The following KIDINS220 variants were observed in gnomAD, a reference collection of about 807,000 sequenced individuals.
KIDINS220 encodes kinase D interacting substrate 220, also known as kinase D-interacting substrate of 220 kDa.
In KIDINS220, 63 loss-of-function variants were observed where a neutral mutation model predicts 157.6. The ratio of observed to expected loss-of-function variants is 0.40; its 90% CI spans 0.33 to 0.49. The LOEUF (loss-of-function observed/expected upper bound fraction) is 0.49, where lower values mean the gene tolerates loss of function less well. Among genes scored for constraint, KIDINS220 ranks in the 20% least tolerant of loss-of-function variants. The probability of loss-of-function intolerance (pLI) is 0.66; values close to 1 mark genes in which losing one functional copy is unlikely to be tolerated. For missense variants in KIDINS220, 1,772 were observed against 2,171.2 expected, an observed-to-expected ratio of 0.82 and a Z score of 3.65; for synonymous variants, 732 against 783.6, an observed-to-expected ratio of 0.93 and a Z score of 1.10.
chr2:8,827,219 G>A, intron 1 of KIDINS220, 90 bp from the exon 2 acceptor site: 7 of 542,160 alleles, frequency 1.3e-5, no homozygotes, highest in South Asian at 1.1e-4. Flanking sequence ...TTAACCTCAT[G>A]CAAGGACACC....
Position 8,778,730 on chromosome 2 carries a change from T to A in KIDINS220, c.2615-3A>T. 6.2e-7 allele frequency: 1 copy of A among 1,612,866 alleles called. No homozygotes were observed. The highest frequency in any genetic ancestry group is 1.3e-5 in the African/African-American group (1 of 75,042). On this transcript the variant is annotated splice_region_variant and splice_polypyrimidine_tract_variant and intron_variant, in intron 19 of 29. Coordinates refer to ENST00000256707, the MANE Select transcript of KIDINS220 (RefSeq NM_020738.4). Reference sequence around the variant, plus strand: ...TCTGTCAGCATCTTCCTGTATCCCTTAAATAATTTATCAAGACAGCATCAC... The same window carrying A: ...TCTGTCAGCATCTTCCTGTATCCCTAAAATAATTTATCAAGACAGCATCAC...
intron 20 of KIDINS220, 41 bp downstream of exon 20, chr2:8,778,598 T>G (rs760498910): frequency 2.5e-5 from 30 of 1,212,720 alleles, no homozygotes; most frequent in Middle Eastern, 3.8e-4. Context: ...TTAAATTGAA[T>G]AGCAATACAA....
rs1250499331 is a variant in KIDINS220, at chr2:8,786,264, T to C, written c.1881A>G (p.Arg627=). Residue 627 remains arginine (R), a synonymous_variant, in exon 16 of 30, where the codon AGA becomes AGG. Coordinates refer to ENST00000256707, the MANE Select transcript of KIDINS220 (RefSeq NM_020738.4). The part of the protein sequence containing the change: ...MIATLSDACE[R]EFGFLATRLF... ...GCCTGGTTGCCAAAAAGCCAAACTC[T>C]CTTTCACAAGCATCCGAGAGGGTTG... The C allele has an allele frequency of 3.7e-6, 6 of 1,614,030 alleles. No homozygotes were observed. Among genetic ancestry groups the C allele is most frequent in the South Asian group, 3.3e-5 (3 of 91,086 alleles).
At chr2:8,784,235 GA>G (rs964702278) in intron 17 of KIDINS220, among the ~76,000 whole-genome samples, 2 of 147,730 alleles carry the variant, frequency 1.4e-5, no homozygotes, top group African/African-American at 4.9e-5. Flanking sequence ...AAGCAAGCAA[GA>G]AAAGAATCTA....
chr2:8,783,197 C>CAA (rs60911954), intron 17 of KIDINS220, among the ~76,000 whole-genome samples: 64,378 of 134,728 alleles, frequency 0.48, 17,029 homozygotes, highest in East Asian at 0.61. Flanking sequence ...AACTCCGTCT[C>CAA]AAAAAAAAAA....
At position 8,779,783 on chromosome 2, in the gene KIDINS220, C is replaced by T; in HGVS notation, c.2261G>A (p.Arg754Lys). 1 of 1,614,134 alleles carries T rather than the reference C, an allele frequency of 6.2e-7. No homozygotes were observed. The highest frequency in any genetic ancestry group is 8.5e-7 in the Non-Finnish European group (1 of 1,179,990). ...GAAGCTGTCAATGGTTTTTGCCATC[C>T]TGGCCATCAATTCCACTTCACATTT... is the stretch of plus-strand genomic sequence containing the variant. Reference protein sequence around the residue: ...VLKCEVELMARMAKTIDSFTQ... With the variant: ...VLKCEVELMAKMAKTIDSFTQ... The change falls in exon 18 of 30, where the codon AGG becomes AAG. Residue 754 changes from arginine to lysine, a missense_variant. Transcript: ENST00000256707.
intron 1 of KIDINS220, among the ~76,000 whole-genome samples, chr2:8,836,177 G>T (rs2148471746): frequency 6.6e-6 from 1 of 152,118 alleles, no homozygotes; most frequent in South Asian, 2.1e-4. Context: ...CCCAGCATAG[G>T]TGACTGAAGA....
chr2:8,822,137 A>G (rs1363259106), intron 2 of KIDINS220, among the ~76,000 whole-genome samples: 1 of 152,210 alleles, frequency 6.6e-6, no homozygotes, highest in African/African-American at 2.4e-5. Context: ...ACTACAATGC[A>G]AAAACAACTA....
intron 26 of KIDINS220, among the ~76,000 whole-genome samples, chr2:8,744,380 A>AT (rs1666134740): frequency 6.4e-5 from 2 of 31,296 alleles, no homozygotes; most frequent in African/African-American, 1.7e-4. Flanking sequence ...AAAAAAAAAA[A>AT]AAAAAAAAAT....
chr2:8,790,001 G>C lies in KIDINS220; in HGVS notation c.1500C>G (p.Leu500=). Residue 500 remains leucine (L), a synonymous_variant, in exon 14 of 30, where the codon CTC becomes CTG. Transcript: ENST00000256707. ...AAAGTAGCAGGGTAAGAAACACTAT[G>C]AGCCATGAGAACTGAAAGAGAGGCT... is the stretch of plus-strand genomic sequence containing the variant. ...QIEPLFQFSW[L]IVFLTLLLCG... 1 of 1,612,146 alleles carries C rather than the reference G, an allele frequency of 6.2e-7. No homozygotes were observed. Among genetic ancestry groups the C allele is most frequent in the Non-Finnish European group, 8.5e-7 (1 of 1,179,556 alleles).
downstream of KIDINS220, chr2:8,725,676 A>C (rs1663238451): frequency 6.6e-6 from 1 of 152,250 alleles, no homozygotes. Context: ...GCCTTGAAAG[A>C]AAACGAGGTA....
intron 17 of KIDINS220, among the ~76,000 whole-genome samples, chr2:8,780,945 T>G (rs953847644): frequency 1.3e-5 from 2 of 151,410 alleles, no homozygotes; most frequent in African/African-American, 4.9e-5. Flanking sequence ...CAAAACCAAT[T>G]ATCCCTTTGA....
rs139886066 is a variant in KIDINS220 at position 8,798,958 on chromosome 2, G to A, written c.901-658C>T. Reference sequence around the variant, plus strand: ...TAGAACCCATCTTTAGTGGCAATGTGATTTTAACCCAGGAGATAATGAATG... The same window carrying A: ...TAGAACCCATCTTTAGTGGCAATGTAATTTTAACCCAGGAGATAATGAATG... On this transcript the variant is annotated intron_variant, in intron 9 of 29. Coordinates refer to ENST00000256707, the MANE Select transcript of KIDINS220 (RefSeq NM_020738.4). Among the ~76,000 whole-genome samples, 68 of 152,248 alleles carry A rather than the reference G, an allele frequency of 4.5e-4. 1 individual carries two copies. Among genetic ancestry groups the A allele is most frequent in the African/African-American group, 1.0e-3 (43 of 41,542 alleles).
Position 8,731,649 on chromosome 2 carries a change from A to C in KIDINS220, c.4387T>G (p.Ser1463Ala), listed in dbSNP as rs764050152. 1 of 1,614,092 alleles carries C rather than the reference A, an allele frequency of 6.2e-7. No homozygotes were observed. The highest frequency in any genetic ancestry group is 1.3e-5 in the African/African-American group (1 of 74,926). ...KRGDVIDYSS[S>A]GVSTNDASPL... ...GAAGCATCGTTGGTGGAAACCCCTG[A>C]TGATGAATAATCGATAACATCTCCC... Residue 1463 changes from serine to alanine, a missense_variant, in exon 30 of 30, where the codon TCA becomes GCA. Transcript: ENST00000256707. This position sits in a 1 kb window ranked among gnomAD's most constrained non-coding sequence, Gnocchi z 5.2.
intron 2 of KIDINS220, among the ~76,000 whole-genome samples, chr2:8,820,651 T>C (rs1363604298): frequency 2.0e-5 from 3 of 152,132 alleles, no homozygotes; most frequent in African/African-American, 7.2e-5. Flanking sequence ...CATTAGGGAA[T>C]GACGTATTAC....
chr2:8,764,194 A>G (rs1669135108), intron 22 of KIDINS220, among the ~76,000 whole-genome samples: 1 of 152,336 alleles, frequency 6.6e-6, no homozygotes, highest in African/African-American at 2.4e-5. Context: ...CCAAGTTATG[A>G]GTAAGCAAAG....
intron 2 of KIDINS220, among the ~76,000 whole-genome samples, chr2:8,820,684 A>G (rs1041118088): frequency 1.3e-5 from 2 of 152,192 alleles, no homozygotes; most frequent in African/African-American, 4.8e-5. Context: ...TTTCTCGGTG[A>G]AAAAATTTAT....
chr2:8,736,778 G>T, intron 27 of KIDINS220, 90 bp downstream of exon 27: 1 of 1,342,876 alleles, frequency 7.4e-7, no homozygotes, highest in South Asian at 1.7e-5. Context: ...TGCATGTTTG[G>T]GAAGCTATAC....
chr2:8,729,328 T>C lies in KIDINS220; in HGVS notation c.*1392A>G. The stretch of plus-strand genomic sequence containing the variant: ...AGCATATTAATAAAAACCCACTGAG[T>C]GATAAACATCGAAAATGTAACACTG... On this transcript the variant is annotated 3_prime_UTR_variant, in exon 30 of 30. Transcript: ENST00000256707. 2 of 985,458 alleles carry C rather than the reference T, an allele frequency of 2.0e-6. No homozygotes were observed. The highest frequency in any genetic ancestry group is 2.4e-6 in the Non-Finnish European group (2 of 829,936). 61.0% of individuals were successfully genotyped at this position (985,458 alleles called of 1,614,324 possible).
Sources: allele counts gnomAD v4.1 joint callset (sites outside exome capture counted in the v4.1 genomes callset), GRCh38; gene constraint gnomAD v4.1.1; non-coding constraint Gnocchi (gnomAD v3.1); transcripts MANE v1.5; gene names NCBI Gene and HGNC (gene_info 2026-07-23, HGNC 2026-07-21).